Variants in KAZN observed in about 807,000 individuals in gnomAD.
KAZN encodes kazrin.
A neutral mutation model predicts 87.4 loss-of-function variants in KAZN; 40 were observed. That is an observed-to-expected ratio of 0.46 (90% CI 0.36 to 0.60). KAZN has a LOEUF of 0.60. Ranked by LOEUF, KAZN falls within the 20% of genes least tolerant of loss-of-function variation. The pLI is 0.00. For missense variants in KAZN, 898 were observed against 1,073.9 expected (o/e 0.84, Z 2.29); for synonymous variants, 466 against 458.3 (o/e 1.02, Z -0.22).
In KAZN at chr1:15,059,102, C is replaced by CTTT. The variant is rs1211831810; in HGVS notation, c.917-1057_917-1055dup. Reference sequence around the variant, plus strand: ...GAGAGAAATCAACAGAAAACAGGCACTTTTTTTTTTTTTTTGGAGAGATGG... The same window carrying CTTT: ...GAGAGAAATCAACAGAAAACAGGCACTTTTTTTTTTTTTTTTTTGGAGAGATGG... On this transcript the variant is annotated intron_variant, in intron 5 of 14. Transcript: ENST00000376030. 1.5e-3 allele frequency among the ~76,000 whole-genome samples: 214 copies of CTTT among 140,362 alleles called. 1 individual carries two copies. The highest frequency in any genetic ancestry group is 5.2e-3 in the African/African-American group (200 of 38,198). 92.1% of individuals were successfully genotyped at this position (140,362 alleles called of 152,430 possible).
intron 2 of KAZN, among the ~76,000 whole-genome samples, chr1:14,494,451 A>G (rs369719978): frequency 5.0e-4 from 76 of 152,178 alleles, no homozygotes; most frequent in African/African-American, 1.7e-3. Context: ...GTCACTGTCA[A>G]TGGCTTCTTG....
intron 4 of KAZN, among the ~76,000 whole-genome samples, chr1:15,050,159 G>GAAATAGAATAGAATAGAATA (rs201481507): frequency 6.1e-5 from 8 of 131,332 alleles, no homozygotes; most frequent in African/African-American, 2.3e-4. Flanking sequence ...AGAATAGAAT[G>GAAATAGAATAGAATAGAATA]GAATAGAATA....
chr1:14,754,312 C>G (rs1644497814), intron 1 of KAZN, among the ~76,000 whole-genome samples: 2 of 152,170 alleles, frequency 1.3e-5, no homozygotes, highest in South Asian at 4.1e-4. Flanking sequence ...AGCCTTTAAA[C>G]TTTGTGCATT....
intron 1 of KAZN, among the ~76,000 whole-genome samples, chr1:14,002,952 C>A (rs1010932819): frequency 4.6e-5 from 7 of 152,150 alleles, no homozygotes; most frequent in South Asian, 2.1e-4. Context: ...GTGGAACCAA[C>A]CCATGTGCCC....
At chr1:14,828,609 C>T (rs1486819072) in intron 1 of KAZN, among the ~76,000 whole-genome samples, 1 of 152,142 alleles carries the variant, frequency 6.6e-6, no homozygotes, top group Non-Finnish European at 1.5e-5. Context: ...ATAGTCCCCC[C>T]AAGAAAGGAA....
At chr1:14,760,730 G>T (rs2100543573) in intron 1 of KAZN, among the ~76,000 whole-genome samples, 1 of 152,314 alleles carries the variant, frequency 6.6e-6, no homozygotes, top group African/African-American at 2.4e-5. Flanking sequence ...AAAGTGGGAG[G>T]ATTGCTTGAG....
At chr1:14,823,459 C>T (rs891595412) in intron 1 of KAZN, among the ~76,000 whole-genome samples, 2 of 151,990 alleles carry the variant, frequency 1.3e-5, no homozygotes, top group Non-Finnish European at 1.5e-5. Context: ...GCTGGTATCC[C>T]CACCCCCACT....
chr1:14,573,734 A>G (rs190522066), intron 2 of KAZN, among the ~76,000 whole-genome samples: 1 of 152,256 alleles, frequency 6.6e-6, no homozygotes. Flanking sequence ...AAGCTAAAAT[A>G]TGTTATAAAT....
At chr1:14,200,764 G>A (rs184231342) in intron 2 of KAZN, among the ~76,000 whole-genome samples, 1 of 151,876 alleles carries the variant, frequency 6.6e-6, no homozygotes, top group East Asian at 1.9e-4. Context: ...TTAATGCACA[G>A]CCTATTGAGA....
intron 2 of KAZN, among the ~76,000 whole-genome samples, chr1:14,415,421 G>A (rs1293475029): frequency 1.3e-5 from 2 of 152,190 alleles, no homozygotes; most frequent in Non-Finnish European, 2.9e-5. Context: ...AGGTATGATA[G>A]ATGGGGCCAC....
At chr1:14,466,010 T>A (rs1490195602) in intron 2 of KAZN, among the ~76,000 whole-genome samples, 1 of 152,208 alleles carries the variant, frequency 6.6e-6, no homozygotes, top group Admixed American at 6.5e-5. Flanking sequence ...AGCAACATGC[T>A]ATACAGATTT....
At chr1:14,975,754 G>A (rs530284097) in intron 2 of KAZN, among the ~76,000 whole-genome samples, 2 of 152,202 alleles carry the variant, frequency 1.3e-5, no homozygotes, top group East Asian at 1.9e-4. Context: ...GAAGGTGGCC[G>A]GGCACAGTGG....
At chr1:14,587,526 C>G (rs12740958) in intron 2 of KAZN, among the ~76,000 whole-genome samples, 2 of 151,128 alleles carry the variant, frequency 1.3e-5, no homozygotes, top group Admixed American at 1.3e-4. Flanking sequence ...TCTGGTGAGG[C>G]CTCAGGAAGC....
intron 2 of KAZN, among the ~76,000 whole-genome samples, chr1:14,385,954 C>G (rs1253984272): frequency 1.3e-5 from 2 of 150,846 alleles, no homozygotes; most frequent in African/African-American, 4.9e-5. Context: ...GTCTAAGTCT[C>G]TTTGTAGGTC....
chr1:14,560,820 G>A (rs1674208879), intron 2 of KAZN, among the ~76,000 whole-genome samples: 1 of 152,168 alleles, frequency 6.6e-6, no homozygotes, highest in African/African-American at 2.4e-5. Context: ...TTTCCATACT[G>A]GATTCGGCTT....
chr1:14,541,575 C>T (rs1210324580), intron 2 of KAZN, among the ~76,000 whole-genome samples: 9 of 152,148 alleles, frequency 5.9e-5, no homozygotes, highest in Non-Finnish European at 1.3e-4. Context: ...TTCGTGCTTC[C>T]TCTAAAACTG....
intron 2 of KAZN, among the ~76,000 whole-genome samples, chr1:14,213,296 C>T (rs1407894852): frequency 1.3e-5 from 2 of 152,144 alleles, no homozygotes; most frequent in African/African-American, 2.4e-5. Flanking sequence ...GTCCTTCTCT[C>T]GTGCTACTAA....
intron 1 of KAZN, among the ~76,000 whole-genome samples, chr1:14,049,065 C>T (rs943099300): frequency 1.3e-5 from 2 of 151,912 alleles, no homozygotes; most frequent in Admixed American, 1.3e-4. Context: ...GGAACCAACC[C>T]AAATGTCCAA....
chr1:14,144,700 G>A (rs965747895), intron 1 of KAZN, among the ~76,000 whole-genome samples: 6 of 152,202 alleles, frequency 3.9e-5, no homozygotes, highest in Non-Finnish European at 5.9e-5. Context: ...TCAAGATGGA[G>A]CATCTGCATC....
Sources: gnomAD v4.1 joint callset for allele counts (sites outside exome capture counted in the v4.1 genomes callset) on GRCh38, gnomAD v4.1.1 for gene constraint, MANE v1.5 for transcripts, NCBI Gene and HGNC (gene_info 2026-07-23, HGNC 2026-07-21) for gene names.